The following DLC1 variants were observed in gnomAD, a reference collection of about 807,000 sequenced individuals.
The protein encoded by DLC1 is DLC1 Rho GTPase activating protein, also known as rho GTPase-activating protein 7.
In DLC1, 54 loss-of-function variants were observed where a neutral mutation model predicts 140.3. That is an observed-to-expected ratio of 0.38 (90% CI 0.31 to 0.48). DLC1 has a LOEUF of 0.48. DLC1 is among the 20% of genes least tolerant of loss of function. The pLI, the probability that DLC1 is intolerant of heterozygous loss-of-function variation, is 0.96. For synonymous variants in DLC1, 986 were observed against 728.1 expected (o/e 1.35, Z -5.70); for missense variants, 2,536 against 1,907.0 (o/e 1.33, Z -6.14).
At chr8:13,391,984 T>C (rs1231573552) in intron 4 of DLC1, among the ~76,000 whole-genome samples, 1 of 152,184 alleles carries the variant, frequency 6.6e-6, no homozygotes, top group Non-Finnish European at 1.5e-5. Context: ...GAAAAACATT[T>C]TCTTTAATCA....
intron 5 of DLC1, among the ~76,000 whole-genome samples, chr8:13,200,861 C>G (rs910707596): frequency 4.6e-5 from 7 of 152,228 alleles, no homozygotes; most frequent in African/African-American, 1.7e-4. Flanking sequence ...GCCCCCCAAA[C>G]TATTGGGGAT....
intron 5 of DLC1, among the ~76,000 whole-genome samples, chr8:13,189,884 GAA>G (rs55980575): frequency 1.3e-5 from 2 of 148,980 alleles, no homozygotes; most frequent in Admixed American, 6.7e-5. Flanking sequence ...CTCCATCCCA[GAA>G]AAAAAAAAAG....
At chr8:13,552,456 A>G (rs1284045686) in intron 1 of DLC1, among the ~76,000 whole-genome samples, 2 of 150,894 alleles carry the variant, frequency 1.3e-5, no homozygotes, top group African/African-American at 2.4e-5. Flanking sequence ...ATAAAAATAT[A>G]TATACAATAA....
intron 1 of DLC1, among the ~76,000 whole-genome samples, chr8:13,559,621 C>A (rs7460322): frequency 0.088 from 13,448 of 152,044 alleles, 912 homozygotes; most frequent in East Asian, 0.28. Flanking sequence ...AGAAAAATTA[C>A]AATAAAATGC....
intron 1 of DLC1, among the ~76,000 whole-genome samples, chr8:13,550,183 G>A (rs1803797815): frequency 6.6e-6 from 1 of 152,080 alleles, no homozygotes; most frequent in Admixed American, 6.6e-5. Flanking sequence ...TGGATTATGG[G>A]GGGCAGTTCC....
At chr8:13,513,497 C>G (rs1802467580) in intron 1 of DLC1, among the ~76,000 whole-genome samples, 1 of 152,028 alleles carries the variant, frequency 6.6e-6, no homozygotes, top group South Asian at 2.1e-4. Context: ...TACTTCATTT[C>G]TTATGATCCA....
chr8:13,142,112 C>G (rs76483923), intron 5 of DLC1, among the ~76,000 whole-genome samples: 7 of 152,178 alleles, frequency 4.6e-5, no homozygotes, highest in Non-Finnish European at 1.0e-4. Context: ...CTCCTGCCGC[C>G]TTGTGAAGAA....
chr8:13,290,894 G>A (rs902499595), intron 5 of DLC1, among the ~76,000 whole-genome samples: 21 of 152,146 alleles, frequency 1.4e-4, no homozygotes, highest in African/African-American at 5.1e-4. Context: ...GGCCAGAGCT[G>A]GAGACTGTGC....
intron 5 of DLC1, among the ~76,000 whole-genome samples, chr8:13,161,342 G>C (rs746148634): frequency 7.2e-5 from 11 of 151,844 alleles, no homozygotes; most frequent in Non-Finnish European, 1.6e-4. Context: ...TTTTTGTTTT[G>C]TTTTGTTTTG....
chr8:13,440,210 T>A (rs534737621), intron 2 of DLC1, among the ~76,000 whole-genome samples: 2 of 152,316 alleles, frequency 1.3e-5, no homozygotes, highest in African/African-American at 2.4e-5. Context: ...TTGCGGTGTA[T>A]CTTGTAGAAA....
At chr8:13,580,320 G>C (rs1233231141) in intron 1 of DLC1, among the ~76,000 whole-genome samples, 1 of 151,956 alleles carries the variant, frequency 6.6e-6, no homozygotes, top group Admixed American at 6.6e-5. Flanking sequence ...ACAGGGTTTC[G>C]CCGTGTTAGC....
At chr8:13,435,734 T>G (rs1839090855) in intron 2 of DLC1, among the ~76,000 whole-genome samples, 1 of 152,202 alleles carries the variant, frequency 6.6e-6, no homozygotes, top group African/African-American at 2.4e-5. Context: ...TACAAAAATT[T>G]AGTTGACAAA....
chr8:13,421,260 A>T (rs534625890), intron 2 of DLC1, among the ~76,000 whole-genome samples: 53 of 152,114 alleles, frequency 3.5e-4, no homozygotes, highest in Middle Eastern at 3.2e-3. Flanking sequence ...TTCTGCATAT[A>T]TTATCTCCTC....
intron 2 of DLC1, among the ~76,000 whole-genome samples, chr8:13,451,115 C>T (rs1281140189): frequency 6.1e-5 from 6 of 97,672 alleles, no homozygotes; most frequent in Non-Finnish European, 1.3e-4. Flanking sequence ...CTTAAGATAA[C>T]AACGAAATAA....
chr8:13,591,990 T>G (rs185695529), intron 1 of DLC1, among the ~76,000 whole-genome samples: 25 of 152,112 alleles, frequency 1.6e-4, no homozygotes, highest in Non-Finnish European at 1.5e-5. Flanking sequence ...ATCTGGAGTT[T>G]GGAGGTTGCA....
At chr8:13,311,044 G>T (rs1832646827) in intron 4 of DLC1, among the ~76,000 whole-genome samples, 1 of 151,922 alleles carries the variant, frequency 6.6e-6, no homozygotes, top group South Asian at 2.1e-4. Context: ...TTTGATTTGT[G>T]GGTTGTATTA....
intron 4 of DLC1, chr8:13,341,418 C>T (rs879276826): frequency 2.6e-5 from 4 of 152,074 alleles, no homozygotes; most frequent in Admixed American, 6.6e-5. Context: ...CAAGGAGGGC[C>T]TGTTAAAATG....
chr8:13,106,580 G>A (rs771886499), intron 7 of DLC1, among the ~76,000 whole-genome samples: 1 of 152,156 alleles, frequency 6.6e-6, no homozygotes, highest in South Asian at 2.1e-4. Flanking sequence ...AACTCCTGGA[G>A]GCTCAAGGGA....
Position 13,573,055 on chromosome 8 carries a change from C to A in DLC1, c.-126+31482G>T, listed in dbSNP as rs146923071. On this transcript the variant is annotated intron_variant, in intron 1 of 1. Transcript: ENST00000631382. Reference sequence around the variant, plus strand: ...GGGATTGCATTTAATCTGTATATATCTTTGGGTAATATTGTCATCACAACA... The same window carrying A: ...GGGATTGCATTTAATCTGTATATATATTTGGGTAATATTGTCATCACAACA... Among the ~76,000 whole-genome samples, 242 of 152,244 alleles carry A rather than the reference C, an allele frequency of 1.6e-3. 1 individual carries two copies. Among genetic ancestry groups the A allele is most frequent in the African/African-American group, 5.6e-3 (234 of 41,552 alleles).
Sources: allele counts gnomAD v4.1 joint callset (sites outside exome capture counted in the v4.1 genomes callset), GRCh38; gene constraint gnomAD v4.1.1; transcripts MANE v1.5; gene names NCBI Gene and HGNC (gene_info 2026-07-23, HGNC 2026-07-21).